Variants in ARHGAP15 observed in about 807,000 individuals in gnomAD.
ARHGAP15 encodes rho GTPase-activating protein 15.
ARHGAP15 carries 51 observed loss-of-function variants against 63.7 expected under a neutral mutation model. That is an observed-to-expected ratio of 0.80 (90% CI 0.64 to 1.01). The LOEUF (loss-of-function observed/expected upper bound fraction) is 1.01. Among genes scored for constraint, ARHGAP15 ranks in the 50% least tolerant of loss-of-function variants. ARHGAP15 has a pLI of 0.00. For missense variants in ARHGAP15, 560 were observed against 564.6 expected, an observed-to-expected ratio of 0.99 and a Z score of 0.08; for synonymous variants, 191 against 193.8, an observed-to-expected ratio of 0.99 and a Z score of 0.12.
intron 6 of ARHGAP15, among the ~76,000 whole-genome samples, chr2:143,429,220 GTTTT>G (rs67580605): frequency 2.4e-3 from 314 of 131,918 alleles, no homozygotes; most frequent in Non-Finnish European, 3.4e-3. Flanking sequence ...GAACATGAGG[GTTTT>G]TTTTTTTTTT....
chr2:143,217,526 G>A lies in ARHGAP15; in HGVS notation c.296+1081G>A, dbSNP rs554780894. On this transcript the variant is annotated intron_variant, in intron 4 of 13. Coordinates refer to ENST00000295095, the MANE Select transcript of ARHGAP15 (RefSeq NM_018460.4). ...AGCCACCTTCCCTTGAAGAGTTCAG[G>A]AGAGAGATGCACAGGAGACAAGATC... 3.3e-5 allele frequency among the ~76,000 whole-genome samples: 5 copies of A among 152,278 alleles called. 1 individual carries two copies. The South Asian group carries it at 1.0e-3, about 32-fold the overall frequency.
intron 1 of ARHGAP15, among the ~76,000 whole-genome samples, chr2:143,131,772 G>T (rs1202351604): frequency 6.6e-6 from 1 of 152,144 alleles, no homozygotes. Flanking sequence ...CAGCAGACAG[G>T]GCCCAAAGGA....
intron 12 of ARHGAP15, among the ~76,000 whole-genome samples, chr2:143,644,406 T>C (rs1047495440): frequency 6.6e-6 from 1 of 151,950 alleles, no homozygotes; most frequent in Non-Finnish European, 1.5e-5. Flanking sequence ...ATGGCTTGCT[T>C]TGAGGAAGAG....
chr2:143,160,307 T>C (rs1032335444), intron 2 of ARHGAP15, among the ~76,000 whole-genome samples: 1 of 151,976 alleles, frequency 6.6e-6, no homozygotes, highest in African/African-American at 2.4e-5. Context: ...ATCTCTCTTA[T>C]CTCATCAATG....
At chr2:143,640,536 TAA>T (rs1680553117) in intron 12 of ARHGAP15, among the ~76,000 whole-genome samples, 2 of 152,078 alleles carry the variant, frequency 1.3e-5, no homozygotes, top group African/African-American at 4.8e-5. Context: ...CTCAGTGGCT[TAA>T]AAGTTTATGA....
chr2:143,187,053 G>T (rs979799298), intron 2 of ARHGAP15, among the ~76,000 whole-genome samples: 1 of 152,112 alleles, frequency 6.6e-6, no homozygotes, highest in African/African-American at 2.4e-5. Flanking sequence ...AGGATCTAGT[G>T]GCCCCTCACC....
intron 6 of ARHGAP15, among the ~76,000 whole-genome samples, chr2:143,270,171 A>G (rs1271061232): frequency 6.6e-6 from 1 of 152,088 alleles, no homozygotes; most frequent in Admixed American, 6.6e-5. Context: ...GGGGTTTGCC[A>G]CGTTGGCCAG....
At chr2:143,244,334 G>GT (rs1693968114) in intron 5 of ARHGAP15, among the ~76,000 whole-genome samples, 1 of 152,170 alleles carries the variant, frequency 6.6e-6, no homozygotes, top group Non-Finnish European at 1.5e-5. Flanking sequence ...TTGTAACACA[G>GT]TATGTTTCAA....
Position 143,753,859 on chromosome 2 carries a change from T to C in ARHGAP15, c.1245-14130T>C, listed in dbSNP as rs561296415. On this transcript the variant is annotated intron_variant, in intron 13 of 13. Transcript: ENST00000295095. ...TGGAAACTCATTGTCAGATAATATA[T>C]GCGAAGGAAAGACACACTGAACAAT... Among the ~76,000 whole-genome samples, 428 of 152,322 alleles carry C rather than the reference T, an allele frequency of 2.8e-3. 2 individuals carry two copies. The highest frequency in any genetic ancestry group is 9.6e-3 in the African/African-American group (401 of 41,584).
At chr2:143,374,325 A>G (rs1388819663) in intron 6 of ARHGAP15, among the ~76,000 whole-genome samples, 2 of 152,140 alleles carry the variant, frequency 1.3e-5, no homozygotes, top group African/African-American at 4.8e-5. Flanking sequence ...TGGTGTCATT[A>G]GTAGCTGCTT....
At chr2:143,270,722 C>T (rs141308014) in intron 6 of ARHGAP15, among the ~76,000 whole-genome samples, 166 of 152,198 alleles carry the variant, frequency 1.1e-3, no homozygotes, top group Middle Eastern at 3.4e-3. Flanking sequence ...ACTAGAAAAT[C>T]AAGTCTCCTG....
At chr2:143,582,053 G>A (rs942081860) in intron 11 of ARHGAP15, among the ~76,000 whole-genome samples, 1 of 152,150 alleles carries the variant, frequency 6.6e-6, no homozygotes, top group Non-Finnish European at 1.5e-5. Context: ...CCCCATTGGA[G>A]TCTAATATTA....
At chr2:143,590,510 C>T (rs73961813) in intron 11 of ARHGAP15, among the ~76,000 whole-genome samples, 2,972 of 152,256 alleles carry the variant, frequency 0.02, 90 homozygotes, top group African/African-American at 0.068. Context: ...GCCCTCACTC[C>T]TGTCCTCCAG....
intron 2 of ARHGAP15, among the ~76,000 whole-genome samples, chr2:143,170,477 C>T (rs1441796914): frequency 6.6e-6 from 1 of 152,094 alleles, no homozygotes; most frequent in Non-Finnish European, 1.5e-5. Flanking sequence ...TTTAAAGATA[C>T]CTGATACCAA....
At chr2:143,442,632 GCAAGAC>G (rs1216520865) in intron 8 of ARHGAP15, among the ~76,000 whole-genome samples, 1 of 152,098 alleles carries the variant, frequency 6.6e-6, no homozygotes, top group African/African-American at 2.4e-5. Flanking sequence ...TGAGTCCTTA[GCAAGAC>G]AGATGTTCTT....
At chr2:143,537,319 T>G (rs1694821525) in intron 10 of ARHGAP15, among the ~76,000 whole-genome samples, 2 of 152,196 alleles carry the variant, frequency 1.3e-5, no homozygotes, top group Non-Finnish European at 2.9e-5. Context: ...TTTCTCCCAT[T>G]CTGTAGGTTG....
At chr2:143,586,676 T>C (rs1050007650) in intron 11 of ARHGAP15, among the ~76,000 whole-genome samples, 1 of 136,434 alleles carries the variant, frequency 7.3e-6, no homozygotes, top group Admixed American at 7.0e-5. Flanking sequence ...AATATGTAAA[T>C]ATTTTTTTTT....
chr2:143,435,385 T>C, intron 6 of ARHGAP15: 1 of 1,163,378 alleles, frequency 8.6e-7, no homozygotes, highest in Non-Finnish European at 1.1e-6. Flanking sequence ...ATCGTTCTAT[T>C]ATTAAAACAA....
chr2:143,437,205 C>A, intron 8 of ARHGAP15, 163 bp downstream of exon 8: 1 of 695,944 alleles, frequency 1.4e-6, no homozygotes, highest in African/African-American at 1.8e-5. Flanking sequence ...AGTCTGGGCA[C>A]TTTGCTCACA....
Sources: gnomAD v4.1 joint callset for allele counts (sites outside exome capture counted in the v4.1 genomes callset) on GRCh38, gnomAD v4.1.1 for gene constraint, MANE v1.5 for transcripts, NCBI Gene and HGNC (gene_info 2026-07-23, HGNC 2026-07-21) for gene names.